The following METTL22 variants were observed in gnomAD, a reference collection of about 807,000 sequenced individuals.
The protein encoded by METTL22 is methyltransferase-like protein 22.
A neutral mutation model predicts 48.4 loss-of-function variants in METTL22; 51 were observed. The observed-to-expected ratio is 1.05, with a 90% CI of 0.84 to 1.33. The LOEUF (loss-of-function observed/expected upper bound fraction) is 1.33, where lower values mean the gene tolerates loss of function less well. Among genes scored for constraint, METTL22 ranks in the 40% most tolerant of loss-of-function variants. METTL22 has a pLI of 0.00. For synonymous variants in METTL22, 255 were observed against 214.1 expected, an observed-to-expected ratio of 1.19 and a Z score of -1.67; for missense variants, 678 against 526.9, an observed-to-expected ratio of 1.29 and a Z score of -2.81.
chr16:8,645,989 C>A, intron 10 of METTL22, 119 bp from the exon 11 acceptor site: 4 of 1,509,838 alleles, frequency 2.6e-6, no homozygotes, highest in Non-Finnish European at 3.5e-6. Context: ...CCCAGCTCGC[C>A]TGCTCCGTGG....
chr16:8,645,930 A>G, intron 10 of METTL22, 178 bp from the exon 11 acceptor site: 4 of 1,256,164 alleles, frequency 3.2e-6, no homozygotes, highest in Non-Finnish European at 3.9e-6. Flanking sequence ...AGTAAAATAG[A>G]ACAGCCCAGA....
In METTL22 at chr16:8,639,123, C is replaced by T. The variant is rs541007589; in HGVS notation, c.733C>T (p.Arg245Ter). 52 of 1,613,786 alleles carry T rather than the reference C, an allele frequency of 3.2e-5. No homozygotes were observed. Among genetic ancestry groups the T allele is most frequent in the East Asian group, 1.3e-4 (6 of 44,882 alleles). ...VGADLLSMCQ[R>*]NIALNSHLAA... ...TGCAGATCTCTTGTCCATGTGCCAG[C>T]GAAACATTGCCCTCAACAGCCACCT... Residue 245 changes from arginine (R) to a stop codon, truncating the protein, a stop_gained, in exon 6 of 11, where the codon CGA (arginine) becomes TGA (stop). Coordinates refer to ENST00000381920, the MANE Select transcript of METTL22 (RefSeq NM_024109.4). LOFTEE classifies it high-confidence loss of function.
intron 3 of METTL22, among the ~76,000 whole-genome samples, chr16:8,630,472 G>A (rs1051043738): frequency 6.6e-6 from 1 of 152,184 alleles, no homozygotes; most frequent in Non-Finnish European, 1.5e-5. Flanking sequence ...GCCACAGCCT[G>A]TGCTGTCATT....
intron 2 of METTL22, among the ~76,000 whole-genome samples, chr16:8,626,497 G>A (rs1388591185): frequency 6.6e-6 from 1 of 150,406 alleles, no homozygotes; most frequent in East Asian, 1.9e-4. Flanking sequence ...CACCCAGGGG[G>A]CAGTGCAGTG....
chr16:8,640,004 A>G (rs538789507), intron 6 of METTL22, among the ~76,000 whole-genome samples: 6 of 151,548 alleles, frequency 4.0e-5, no homozygotes, highest in African/African-American at 1.5e-4. Context: ...AGTCCTCATC[A>G]CCCTCGGGGC....
chr16:8,646,350 C>A lies in METTL22; in HGVS notation c.*207C>A. ...AAGGTTGTTGCTGTGGGCTGGAGGT[C>A]ACTTTAGTTGCCTGTTTCTCATGGT... is the stretch of plus-strand genomic sequence containing the variant. On this transcript the variant is annotated 3_prime_UTR_variant, in exon 11 of 11. Coordinates refer to ENST00000381920, the MANE Select transcript of METTL22 (RefSeq NM_024109.4). The A allele has an allele frequency of 1.4e-6, 1 of 726,624 alleles. No homozygotes were observed. Among genetic ancestry groups the A allele is most frequent in the Non-Finnish European group, 2.5e-6 (1 of 408,054 alleles). The allele number at this position is 726,624 out of a possible 1,614,324, so 45.0% of individuals were successfully genotyped here. A position where few individuals can be genotyped will look rare whatever the true frequency, so the allele number is the denominator to read the frequency against.
intron 2 of METTL22, among the ~76,000 whole-genome samples, chr16:8,626,446 CTTTTTTTTTTT>C (rs3057578): frequency 1.5e-5 from 2 of 129,502 alleles, no homozygotes; most frequent in East Asian, 4.4e-4. Flanking sequence ...GTCCTCTGCT[CTTTTTTTTTTT>C]TTTTTTTTTG....
At chr16:8,632,460 C>G (rs1481676055) in intron 3 of METTL22, among the ~76,000 whole-genome samples, 1 of 152,220 alleles carries the variant, frequency 6.6e-6, no homozygotes, top group Non-Finnish European at 1.5e-5. Context: ...CCTGCTTTAG[C>G]CTTCCAAAGT....
chr16:8,645,909 C>A, intron 10 of METTL22, 199 bp from the exon 11 acceptor site: 1 of 965,644 alleles, frequency 1.0e-6, no homozygotes, highest in Non-Finnish European at 1.2e-6. Context: ...TCCATCCAGC[C>A]TCTCTGCCAC....
intron 5 of METTL22, among the ~76,000 whole-genome samples, chr16:8,638,184 A>C (rs1200326570): frequency 1.3e-5 from 2 of 152,074 alleles, no homozygotes; most frequent in African/African-American, 4.8e-5. Context: ...TGTCAGGTAC[A>C]TATCATCAGT....
chr16:8,645,001 A>G (rs2056742847), intron 10 of METTL22: 1 of 269,754 alleles, frequency 3.7e-6, no homozygotes, highest in African/African-American at 2.2e-5. Context: ...CAGACTCCAG[A>G]GGAGGCAAGA....
chr16:8,661,578 G>A, the METTL22 span, among the ~76,000 whole-genome samples: 1 of 133,630 alleles, frequency 7.5e-6, no homozygotes, highest in Non-Finnish European at 1.6e-5. Context: ...CCAGGAGGCT[G>A]AGCTTGCAGT....
chr16:8,629,175 C>A (rs1352877856), intron 3 of METTL22, 65 bp downstream of exon 3: 2 of 1,559,828 alleles, frequency 1.3e-6, no homozygotes, highest in Middle Eastern at 4.1e-4. Flanking sequence ...CTGCTCAGGG[C>A]TCAGTATGAT....
At chr16:8,642,710 C>T in intron 9 of METTL22, 145 bp downstream of exon 9, 1 of 775,500 alleles carries the variant, frequency 1.3e-6, no homozygotes, top group Non-Finnish European at 2.2e-6. Flanking sequence ...CTGTGCTCAT[C>T]CTTTGTGTAC....
At chr16:8,633,840 C>T (rs1004298757) in intron 3 of METTL22, among the ~76,000 whole-genome samples, 4 of 152,204 alleles carry the variant, frequency 2.6e-5, no homozygotes, top group Non-Finnish European at 4.4e-5. Flanking sequence ...TAATGCTGAA[C>T]CTTAGTCAGT....
At chr16:8,653,269 A>T (rs2056924649), downstream of METTL22, among the ~76,000 whole-genome samples, 1 of 152,244 alleles carries the variant, frequency 6.6e-6, no homozygotes. Context: ...CTCTGTTAAA[A>T]TCACAAGGGA....
chr16:8,634,947 C>A (rs563184369), intron 3 of METTL22, 92 bp from the exon 4 acceptor site: 3 of 1,534,864 alleles, frequency 2.0e-6, no homozygotes, highest in African/African-American at 1.4e-5. Flanking sequence ...CCCATCTGAC[C>A]GTGCTGGCGG....
intron 5 of METTL22, among the ~76,000 whole-genome samples, chr16:8,636,511 ACT>A (rs1458187838): frequency 3.7e-5 from 4 of 109,022 alleles, no homozygotes; most frequent in South Asian, 3.4e-4. Context: ...ACAGAGTGAG[ACT>A]CTGTCTCAAA....
In METTL22 at chr16:8,621,746, G is replaced by A. The variant is rs1368812350; in HGVS notation, c.-200G>A. 6.6e-6 allele frequency: 1 copy of A among 152,320 alleles called. No individual in the cohort carries two copies. The highest frequency in any genetic ancestry group is 1.5e-5 in the Non-Finnish European group (1 of 68,094). 9.4% of individuals were successfully genotyped at this position (152,320 alleles called of 1,614,324 possible). The stretch of plus-strand genomic sequence containing the variant: ...CTAAGTCCCACAGAGACGGGAGTCG[G>A]GTGGGATCCCAGGCTGGGCCCCGCG... On this transcript the variant is annotated 5_prime_UTR_variant, in exon 1 of 11. Coordinates refer to ENST00000381920, the MANE Select transcript of METTL22 (RefSeq NM_024109.4).
Sources: allele counts gnomAD v4.1 joint callset (sites outside exome capture counted in the v4.1 genomes callset), GRCh38; gene constraint gnomAD v4.1.1; transcripts MANE v1.5; gene names NCBI Gene and HGNC (gene_info 2026-07-23, HGNC 2026-07-21).